EPB41L3: variants seen among roughly 807,000 people sequenced by gnomAD.
The protein encoded by EPB41L3 is band 4.1-like protein 3.
In EPB41L3, 57 loss-of-function variants were observed where a neutral mutation model predicts 127.1. The observed-to-expected ratio is 0.45, with a 90% CI of 0.36 to 0.56. EPB41L3 has a LOEUF of 0.56. Ranked by LOEUF, EPB41L3 falls within the 20% of genes least tolerant of loss-of-function variation. EPB41L3 has a pLI of 0.00. For synonymous variants in EPB41L3, 572 were observed against 549.5 expected (o/e 1.04, Z -0.57); for missense variants, 1,273 against 1,372.2 (o/e 0.93, Z 1.14).
chr18:5,425,097 C>T (rs2077986167), intron 9 of EPB41L3, among the ~76,000 whole-genome samples: 1 of 152,106 alleles, frequency 6.6e-6, no homozygotes, highest in Non-Finnish European at 1.5e-5. Context: ...GAAGAAGGTA[C>T]ACATCAGACC....
At chr18:5,629,117 C>G (rs889420418), upstream of EPB41L3, 22 of 152,320 alleles carry the variant, frequency 1.4e-4, no homozygotes, top group African/African-American at 4.8e-4. Context: ...CGGGAAGATG[C>G]AACGCCGGGC....
At position 5,416,006 on chromosome 18, in the gene EPB41L3, T is replaced by C. The variant is rs1450416324; in HGVS notation, c.1879A>G (p.Ile627Val). Reference protein sequence around the residue: ...LPQSLQHYLPIRSPSLVPCFL... With the variant: ...LPQSLQHYLPVRSPSLVPCFL... ...CAGGGCACAAGGGACGGTGAGCGGA[T>C]CGGGAGGTAATGCTGCAAGCTCTGG... is the stretch of plus-strand genomic sequence containing the variant. The change falls in exon 13 of 23, where the codon ATC becomes GTC. Residue 627 changes from isoleucine (I) to valine (V), a missense_variant. Ile to Val is a conservative substitution (Grantham distance 29). Around this residue, in one of 3 missense-constraint regions of EPB41L3, gnomAD observed 765 missense variants for 782.9 expected, o/e 0.98. Transcript: ENST00000341928. The C allele has an allele frequency of 3.1e-6, 5 of 1,613,778 alleles. No individual in the cohort carries two copies. The highest frequency in any genetic ancestry group is 1.7e-5 in the Admixed American group (1 of 59,984).
chr18:5,484,411 T>C (rs562566443), intron 2 of EPB41L3, among the ~76,000 whole-genome samples: 4 of 150,948 alleles, frequency 2.6e-5, no homozygotes, highest in Non-Finnish European at 4.4e-5. Flanking sequence ...TTCAAATAAA[T>C]AACTCAACGA....
intron 13 of EPB41L3, 26 bp downstream of exon 13, chr18:5,415,792 A>T: frequency 6.3e-7 from 1 of 1,597,608 alleles, no homozygotes; most frequent in Non-Finnish European, 8.5e-7. Context: ...ACGAAGGGGA[A>T]GCGTGTTCTA....
At chr18:5,484,581 T>C (rs569833129) in intron 2 of EPB41L3, among the ~76,000 whole-genome samples, 6 of 147,312 alleles carry the variant, frequency 4.1e-5, no homozygotes, top group African/African-American at 7.5e-5. Context: ...ATAAACAAAA[T>C]AGACAAACCT....
At chr18:5,628,346 T>C (rs572541852) in intron 1 of EPB41L3, among the ~76,000 whole-genome samples, 113 of 152,336 alleles carry the variant, frequency 7.4e-4, no homozygotes, top group Non-Finnish European at 1.1e-3. Context: ...TCTTAATCCA[T>C]CGCACTTCAG....
chr18:5,628,196 T>A (rs953221072), intron 1 of EPB41L3, among the ~76,000 whole-genome samples: 2 of 152,208 alleles, frequency 1.3e-5, no homozygotes, highest in Admixed American at 6.5e-5. Flanking sequence ...ATATAGGAGA[T>A]CCCACATAGA....
At chr18:5,420,291 A>T in intron 11 of EPB41L3, 1 of 243,722 alleles carries the variant, frequency 4.1e-6, no homozygotes, top group Non-Finnish European at 8.0e-6. Flanking sequence ...GGCCAATTCC[A>T]CACCTAACAG....
At chr18:5,484,880 G>C (rs1599611150) in intron 2 of EPB41L3, among the ~76,000 whole-genome samples, 1 of 151,352 alleles carries the variant, frequency 6.6e-6, no homozygotes, top group Non-Finnish European at 1.5e-5. Flanking sequence ...AGACCTGAAG[G>C]CTTCATTTGA....
At chr18:5,555,095 C>A (rs893053953) in intron 3 of EPB41L3, among the ~76,000 whole-genome samples, 1 of 152,220 alleles carries the variant, frequency 6.6e-6, no homozygotes, top group African/African-American at 2.4e-5. Flanking sequence ...TCATTTCAGG[C>A]TTGAAGCCTG....
At chr18:5,585,405 G>A (rs1395851591) in intron 3 of EPB41L3, among the ~76,000 whole-genome samples, 1 of 152,122 alleles carries the variant, frequency 6.6e-6, no homozygotes, top group Non-Finnish European at 1.5e-5. Flanking sequence ...CTGGGTTCAG[G>A]CAATTCTCCT....
At chr18:5,486,660 C>CAA (rs2089801728) in intron 2 of EPB41L3, among the ~76,000 whole-genome samples, 1 of 152,022 alleles carries the variant, frequency 6.6e-6, no homozygotes. Flanking sequence ...TAAAAATTGA[C>CAA]AAAAGATCTG....
At chr18:5,544,185 C>T, upstream of EPB41L3, 2 of 985,534 alleles carry the variant, frequency 2.0e-6, no homozygotes, top group Non-Finnish European at 2.4e-6. Context: ...TACTTCAGGA[C>T]AGTTACATGG....
At chr18:5,411,934 T>C (rs1014379128) in intron 13 of EPB41L3, among the ~76,000 whole-genome samples, 3 of 152,178 alleles carry the variant, frequency 2.0e-5, no homozygotes, top group Non-Finnish European at 4.4e-5. Context: ...CAAGTCTAAG[T>C]GGAAAATAAT....
In EPB41L3 at chr18:5,610,309, C is replaced by T. The variant is rs78618169; in HGVS notation, c.-306+2031G>A. ...ATGCTACCTTATCCCATTCTGAGCACGAGAATGACACTTCCCTCCTTTCTA... is the reference window on the plus strand; with the variant it reads ...ATGCTACCTTATCCCATTCTGAGCATGAGAATGACACTTCCCTCCTTTCTA... On this transcript the variant is annotated intron_variant, in intron 3 of 21. Coordinates refer to the EPB41L3 transcript ENST00000545076. 2.1e-3 allele frequency: 2,035 copies of T among 985,254 alleles called. 9 individuals carry two copies. Among genetic ancestry groups the T allele is most frequent in the African/African-American group, 0.018 (1,035 of 57,328 alleles). 61.0% of individuals were successfully genotyped at this position (985,254 alleles called of 1,614,324 possible).
At chr18:5,435,288 T>C (rs2079598980) in intron 6 of EPB41L3, among the ~76,000 whole-genome samples, 1 of 152,192 alleles carries the variant, frequency 6.6e-6, no homozygotes, top group Non-Finnish European at 1.5e-5. Context: ...ATACAGTGTT[T>C]ATAAAGCCCA....
chr18:5,577,537 C>CA (rs1428834265), intron 3 of EPB41L3: 1 of 315,044 alleles, frequency 3.2e-6, no homozygotes, highest in Non-Finnish European at 6.2e-6. Flanking sequence ...TTCAACACTC[C>CA]AAAAATCAAG....
Position 5,433,538 on chromosome 18 carries a change from T to C in EPB41L3, c.843A>G (p.Glu281=), listed in dbSNP as rs1429299629. 1 of 1,613,004 alleles carries C rather than the reference T, an allele frequency of 6.2e-7. No homozygotes were observed. ...CATTTTCCAAGAAATGCATCTCTGC[T>C]TCTGCTGGCGTCATTCCTCTGATGA... is the stretch of plus-strand genomic sequence containing the variant. ...HKSHRGMTPA[E]AEMHFLENAK... Residue 281 remains glutamate (E), a synonymous_variant, in exon 8 of 23, where the codon GAA becomes GAG. Coordinates refer to ENST00000341928, the MANE Select transcript of EPB41L3 (RefSeq NM_012307.5).
At chr18:5,562,783 C>G (rs1438002777) in intron 3 of EPB41L3, among the ~76,000 whole-genome samples, 3 of 152,216 alleles carry the variant, frequency 2.0e-5, no homozygotes, top group Non-Finnish European at 4.4e-5. Flanking sequence ...TCCCCCCACA[C>G]TGCTGCAGAT....
Sources: gnomAD v4.1 joint callset for allele counts (sites outside exome capture counted in the v4.1 genomes callset) on GRCh38, gnomAD v4.1.1 for gene constraint, gnomAD v4.1.1 regional missense constraint, MANE v1.5 for transcripts, NCBI Gene and HGNC (gene_info 2026-07-23, HGNC 2026-07-21) for gene names.